CTBP1: variants seen among roughly 807,000 people sequenced by gnomAD.
The protein encoded by CTBP1 is C-terminal binding protein 1, also known as C-terminal-binding protein 1.
CTBP1 carries 11 observed loss-of-function variants against 42.1 expected under a neutral mutation model. The ratio of observed to expected loss-of-function variants is 0.26; its 90% CI spans 0.16 to 0.43. The LOEUF is 0.43. Among genes scored for constraint, CTBP1 ranks in the 20% least tolerant of loss-of-function variants. The probability of loss-of-function intolerance (pLI) is 1.00; values close to 1 mark genes in which losing one functional copy is unlikely to be tolerated. For synonymous variants in CTBP1, 324 were observed against 277.1 expected (o/e 1.17, Z -1.68); for missense variants, 399 against 624.3 (o/e 0.64, Z 3.85).
In CTBP1 at chr4:1,212,169, C is replaced by T; in HGVS notation, c.*71G>A. ...GCCAGGGCCACCACACAGATGCCTC[C>T]TCCACACACTCTGGTCCGAGGGTTT... On this transcript the variant is annotated 3_prime_UTR_variant, in exon 10 of 10. Coordinates refer to ENST00000382952, the MANE Select transcript of CTBP1 (RefSeq NM_001012614.2). The T allele has an allele frequency of 1.5e-6, 2 of 1,300,170 alleles. No homozygotes were observed. The highest frequency in any genetic ancestry group is 2.0e-6 in the Non-Finnish European group (2 of 989,466). 80.5% of individuals were successfully genotyped at this position (1,300,170 alleles called of 1,614,324 possible).
chr4:1,216,523 C>T (rs1488073346), intron 5 of CTBP1: 8 of 509,912 alleles, frequency 1.6e-5, no homozygotes, highest in African/African-American at 1.5e-4. Flanking sequence ...CAGTGTCAAA[C>T]GGACTGGTCA....
At chr4:1,231,949 G>C (rs948541044) in intron 3 of CTBP1, among the ~76,000 whole-genome samples, 8 of 152,356 alleles carry the variant, frequency 5.3e-5, no homozygotes, top group African/African-American at 1.9e-4. Context: ...GGCGCACCCC[G>C]GTTCTCATAC....
chr4:1,244,835 G>A lies in CTBP1; in HGVS notation c.-188-3316C>T, dbSNP rs905830889. On this transcript the variant is annotated intron_variant, in intron 1 of 9. Coordinates refer to ENST00000382952, the MANE Select transcript of CTBP1 (RefSeq NM_001012614.2). ...CCCCTCTGGCTGTCCAGGCCTGGAG[G>A]CCCAAAGACTAGGGCCTGGCGGTGC... 22 of 985,432 alleles carry A rather than the reference G, an allele frequency of 2.2e-5. 1 individual carries two copies. In the East Asian group the frequency reaches 3.4e-4, roughly 15 times the overall value. The allele number at this position is 985,432 out of a possible 1,614,324, so 61.0% of individuals were successfully genotyped here. A position where few individuals can be genotyped will look rare whatever the true frequency, so the allele number is the denominator to read the frequency against.
intron 5 of CTBP1, chr4:1,223,626 C>G: frequency 7.6e-6 from 3 of 396,424 alleles, no homozygotes; most frequent in South Asian, 5.4e-5. Context: ...AGACAGGCAG[C>G]TGGGCCAAGG....
intron 5 of CTBP1, chr4:1,218,101 A>C (rs1199523598): frequency 6.6e-6 from 1 of 152,188 alleles, no homozygotes; most frequent in Non-Finnish European, 1.5e-5. Flanking sequence ...GAGAGAAAAG[A>C]ATTTAAAAAA....
chr4:1,243,216 T>C (rs1010952201), intron 1 of CTBP1: 19 of 985,276 alleles, frequency 1.9e-5, no homozygotes, highest in African/African-American at 7.0e-5. Flanking sequence ...TGCTGCTCAA[T>C]GCTTATCTAT....
intron 5 of CTBP1, among the ~76,000 whole-genome samples, chr4:1,224,307 CAT>C (rs1730081055): frequency 6.6e-6 from 1 of 151,992 alleles, no homozygotes; most frequent in Admixed American, 6.6e-5. Flanking sequence ...CCGTGCGGCC[CAT>C]GTGTGTGCTG....
At chr4:1,243,397 C>A in intron 1 of CTBP1, 1 of 985,376 alleles carries the variant, frequency 1.0e-6, no homozygotes, top group Non-Finnish European at 1.2e-6. Flanking sequence ...CCTGCCAGAC[C>A]TGAGGGGCTG....
chr4:1,243,952 G>C, intron 1 of CTBP1: 3 of 985,482 alleles, frequency 3.0e-6, no homozygotes, highest in Non-Finnish European at 3.6e-6. Context: ...CACGAGGGAA[G>C]TGAGTGTAGA....
Position 1,216,269 on chromosome 4 carries a change from AG to A in CTBP1, c.515-65del, listed in dbSNP as rs371816731. 3.6e-4 allele frequency: 535 copies of A among 1,501,110 alleles called. 2 individuals are homozygous for A. The African/African-American group carries it at 6.0e-3, about 17-fold the overall frequency. 93.0% of individuals were successfully genotyped at this position (1,501,110 alleles called of 1,614,324 possible). A position where few individuals can be genotyped will look rare whatever the true frequency, so the allele number is the denominator to read the frequency against. On this transcript the variant is annotated intron_variant, in intron 5 of 9. Coordinates refer to ENST00000382952, the MANE Select transcript of CTBP1 (RefSeq NM_001012614.2). ...CCGTGGCCGGGAGGCCGGCCCCGAAAGCCAGGGTCGGAGTGGCCTCTGTGCC... is the reference window on the plus strand; with the variant it reads ...CCGTGGCCGGGAGGCCGGCCCCGAAACCAGGGTCGGAGTGGCCTCTGTGCC...
chr4:1,213,170 G>C, intron 8 of CTBP1, 140 bp from the exon 9 acceptor site: 1 of 810,258 alleles, frequency 1.2e-6, no homozygotes, highest in South Asian at 1.7e-5. Flanking sequence ...AGGCACGGCA[G>C]GGTCCTGTCT....
At chr4:1,247,779 C>T (rs887777108) in intron 1 of CTBP1, among the ~76,000 whole-genome samples, 2 of 141,860 alleles carry the variant, frequency 1.4e-5, no homozygotes, top group East Asian at 2.2e-4. Context: ...GGGGGGGGGG[C>T]TCGGGCTCAA....
intron 3 of CTBP1, chr4:1,234,631 C>T (rs1731295470): frequency 6.6e-6 from 1 of 152,236 alleles, no homozygotes; most frequent in African/African-American, 2.4e-5. Flanking sequence ...TCTGTTTTGC[C>T]TTAGCTTTCC....
At position 1,248,618 on chromosome 4, in the gene CTBP1, T is replaced by A. The variant is rs1317422649; in HGVS notation, c.-189+298A>T. 6 of 939,710 alleles carry A rather than the reference T, an allele frequency of 6.4e-6. No homozygotes were observed. In the African/African-American group the frequency reaches 1.1e-4, roughly 17 times the overall value. 58.2% of individuals were successfully genotyped at this position (939,710 alleles called of 1,614,324 possible). A position where few individuals can be genotyped will look rare whatever the true frequency, so the allele number is the denominator to read the frequency against. On this transcript the variant is annotated intron_variant, in intron 1 of 9. Transcript: ENST00000382952. ...GGGCTGGGGTCGGTGGAGCTGGGGG[T>A]CCGGCGGGGCAGCCCAGAGGCCCAC...
At chr4:1,243,978 T>C (rs1732452539) in intron 1 of CTBP1, 1 of 984,846 alleles carries the variant, frequency 1.0e-6, no homozygotes, top group Non-Finnish European at 1.2e-6. Flanking sequence ...TGGAAGCTTG[T>C]GCTTCCTATT....
chr4:1,224,225 G>A (rs931609487), intron 5 of CTBP1, among the ~76,000 whole-genome samples: 8 of 152,136 alleles, frequency 5.3e-5, no homozygotes, highest in African/African-American at 1.9e-4. Context: ...TGTGTATGGT[G>A]TGATATCCAT....
At position 1,236,724 on chromosome 4, in the gene CTBP1, T is replaced by C. The variant is rs532297517; in HGVS notation, c.162+1459A>G. Reference sequence around the variant, plus strand: ...GGCAAACCAAGTGTCCACCTCCTGATGGGGCACAGGGCAAACCAAGTGTCC... The same window carrying C: ...GGCAAACCAAGTGTCCACCTCCTGACGGGGCACAGGGCAAACCAAGTGTCC... On this transcript the variant is annotated intron_variant, in intron 3 of 9. Coordinates refer to ENST00000382952, the MANE Select transcript of CTBP1 (RefSeq NM_001012614.2). 1.0e-5 allele frequency: 7 copies of C among 680,938 alleles called. No homozygotes were observed. The South Asian group carries it at 1.1e-4, about 10-fold the overall frequency. 42.2% of individuals were successfully genotyped at this position (680,938 alleles called of 1,614,324 possible).
rs770287962 is a variant in CTBP1, at chr4:1,212,285, G to C, written c.1245C>G (p.Thr415=). 8 of 1,534,266 alleles carry C rather than the reference G, an allele frequency of 5.2e-6. No individual in the cohort carries two copies. Among genetic ancestry groups the C allele is most frequent in the Non-Finnish European group, 7.0e-6 (8 of 1,143,152 alleles). ...GGTCTCTATCCGCCTCGGGCTTGAC[G>C]GTTTGGCCAGGAGAAGGGGCGTGGG... ...HPPHAPSPGQ[T]VKPEADRDHA... Residue 415 remains threonine, a synonymous_variant, in exon 10 of 10, where the codon ACC becomes ACG. Transcript: ENST00000382952.
rs1344128525 is a variant in CTBP1, at chr4:1,212,305, C to T, written c.1225G>A (p.Ala409Thr). 4.1e-5 allele frequency: 22 copies of T among 541,692 alleles called. No individual in the cohort carries two copies. The highest frequency in any genetic ancestry group is 5.5e-5 in the Non-Finnish European group (18 of 326,346). 33.6% of individuals were successfully genotyped at this position (541,692 alleles called of 1,614,324 possible). Residue 409 changes from alanine to threonine, a missense_variant, in exon 10 of 10, where the codon GCC (alanine) becomes ACC (threonine). This residue lies in a region of CTBP1 where 60 missense variants were observed against 46.5 expected (regional missense o/e 1.29). Coordinates refer to ENST00000382952, the MANE Select transcript of CTBP1 (RefSeq NM_001012614.2). ...TTGACGGTTTGGCCAGGAGAAGGGG[C>T]GTGGGGCGGGTGGGCCACAGGGGGC... is the stretch of plus-strand genomic sequence containing the variant. ...GLPPVAHPPHAPSPGQTVKPE... is the reference protein window; with the variant it reads ...GLPPVAHPPHTPSPGQTVKPE...
Sources: allele counts gnomAD v4.1 joint callset (sites outside exome capture counted in the v4.1 genomes callset), GRCh38; gene constraint gnomAD v4.1.1; regional missense constraint gnomAD v4.1.1; transcripts MANE v1.5; gene names NCBI Gene and HGNC (gene_info 2026-07-23, HGNC 2026-07-21).